Variants in ZBED4 observed in about 807,000 individuals in gnomAD.
ZBED4 encodes zinc finger BED-type containing 4.
A neutral mutation model predicts 15.5 loss-of-function variants in ZBED4; 4 were observed. The observed-to-expected ratio is 0.26, with a 90% CI of 0.13 to 0.59. The LOEUF is 0.59. ZBED4 is among the 20% of genes least tolerant of loss of function. ZBED4 has a pLI of 0.90. For missense variants in ZBED4, 1,323 were observed against 1,461.8 expected (o/e 0.91, Z 1.55); for synonymous variants, 692 against 608.5 (o/e 1.14, Z -2.02).
intron 1 of ZBED4, among the ~76,000 whole-genome samples, chr22:49,861,893 C>T (rs1212248664): frequency 1.3e-5 from 2 of 152,078 alleles, no homozygotes; most frequent in East Asian, 1.9e-4. Flanking sequence ...CTGTTCGTAG[C>T]GTGTGGTTGC....
chr22:49,857,671 A>C (rs2060280250), intron 1 of ZBED4, among the ~76,000 whole-genome samples: 1 of 152,156 alleles, frequency 6.6e-6, no homozygotes, highest in Non-Finnish European at 1.5e-5. Flanking sequence ...GGCTCACTGC[A>C]ACCTCTGTCT....
intron 1 of ZBED4, among the ~76,000 whole-genome samples, chr22:49,873,094 G>A (rs2060356660): frequency 6.6e-6 from 1 of 152,196 alleles, no homozygotes; most frequent in African/African-American, 2.4e-5. Flanking sequence ...GCCTCCCAAG[G>A]TGCTGGGATT....
At chr22:49,859,881 G>T (rs1259220372) in intron 1 of ZBED4, among the ~76,000 whole-genome samples, 2 of 151,882 alleles carry the variant, frequency 1.3e-5, no homozygotes, top group African/African-American at 4.8e-5. Flanking sequence ...ACAGAAATCA[G>T]CTGGGCATGA....
chr22:49,858,724 G>A (rs1330326756), intron 1 of ZBED4, among the ~76,000 whole-genome samples: 1 of 152,130 alleles, frequency 6.6e-6, no homozygotes, highest in Non-Finnish European at 1.5e-5. Flanking sequence ...TCTACAAAAC[G>A]TGACTGTGTC....
rs1259171417 is a variant in ZBED4, at chr22:49,884,760, G to A, written c.1098G>A (p.Glu366=). ...PTLLPSLLPP[E]GELSSVSSSP... is the part of the protein sequence containing the mutation. ...TGCTGCCTTCCTTGCTGCCGCCGGAGGGGGAGCTCAGCTCTGTGTCCTCGT... is the reference window on the plus strand; with the variant it reads ...TGCTGCCTTCCTTGCTGCCGCCGGAAGGGGAGCTCAGCTCTGTGTCCTCGT... Residue 366 remains glutamate (E), a synonymous_variant, in exon 2 of 2, where the codon GAG becomes GAA. Coordinates refer to ENST00000216268, the MANE Select transcript of ZBED4 (RefSeq NM_014838.3). 3 of 1,597,156 alleles carry A rather than the reference G, an allele frequency of 1.9e-6. No homozygotes were observed. Among genetic ancestry groups the A allele is most frequent in the African/African-American group, 1.3e-5 (1 of 74,714 alleles).
At chr22:49,875,258 A>T (rs2060370065) in intron 1 of ZBED4, among the ~76,000 whole-genome samples, 1 of 150,948 alleles carries the variant, frequency 6.6e-6, no homozygotes, top group Non-Finnish European at 1.5e-5. Flanking sequence ...GGTAGAATTC[A>T]CCACTGAAGT....
At position 49,884,606 on chromosome 22, in the gene ZBED4, G is replaced by C; in HGVS notation, c.944G>C (p.Arg315Pro). The C allele has an allele frequency of 6.2e-7, 1 of 1,612,298 alleles. No homozygotes were observed. The highest frequency in any genetic ancestry group is 8.5e-7 in the Non-Finnish European group (1 of 1,179,040). The change falls in exon 2 of 2, where the codon CGG (arginine) becomes CCG (proline). Residue 315 changes from arginine (R) to proline (P), a missense_variant. This residue lies in a region of ZBED4 where 380 missense variants were observed against 413.7 expected (regional missense o/e 0.92). Transcript: ENST00000216268. ...VCIHCMNEFSRGKNGKDLGTS... is the reference protein window; with the variant it reads ...VCIHCMNEFSPGKNGKDLGTS... ...ATTCACTGCATGAACGAGTTCAGCC[G>C]GGGGAAGAATGGGAAGGACCTGGGC...
chr22:49,883,596 G>T lies in ZBED4; in HGVS notation c.-67G>T, dbSNP rs1429066831. 42 of 1,456,072 alleles carry T rather than the reference G, an allele frequency of 2.9e-5. No individual in the cohort carries two copies. The highest frequency in any genetic ancestry group is 3.8e-5 in the Non-Finnish European group (42 of 1,097,924). 90.2% of individuals were successfully genotyped at this position (1,456,072 alleles called of 1,614,324 possible). Reference sequence around the variant, plus strand: ...AAGTGAAGATAATCTACATTCGGGGGCACAAATGAGCACTTGGATCAGTGT... The same window carrying T: ...AAGTGAAGATAATCTACATTCGGGGTCACAAATGAGCACTTGGATCAGTGT... On this transcript the variant is annotated 5_prime_UTR_variant, in exon 2 of 2. Coordinates refer to ENST00000216268, the MANE Select transcript of ZBED4 (RefSeq NM_014838.3).
intron 1 of ZBED4, among the ~76,000 whole-genome samples, chr22:49,868,880 G>A (rs758622614): frequency 6.6e-6 from 1 of 151,186 alleles, no homozygotes; most frequent in Non-Finnish European, 1.5e-5. Flanking sequence ...GGGAGGCCAA[G>A]GCAGGCGGAT....
Position 49,884,946 on chromosome 22 carries a change from T to C in ZBED4, c.1284T>C (p.Pro428=), listed in dbSNP as rs1411933575. The change falls in exon 2 of 2, where the codon CCT becomes CCC. Residue 428 remains proline, a synonymous_variant. Coordinates refer to ENST00000216268, the MANE Select transcript of ZBED4 (RefSeq NM_014838.3). The part of the protein sequence containing the change: ...DDIGEASASS[P]EKQQADGLSP... ...TAGGGGAGGCCTCGGCGTCCTCTCC[T>C]GAGAAGCAGCAGGCTGATGGGCTGA... The C allele has an allele frequency of 6.2e-7, 1 of 1,610,588 alleles. No homozygotes were observed. The highest frequency in any genetic ancestry group is 1.7e-5 in the Admixed American group (1 of 59,446).
intron 1 of ZBED4, among the ~76,000 whole-genome samples, chr22:49,878,488 T>C (rs1239093615): frequency 1.3e-5 from 2 of 152,158 alleles, no homozygotes; most frequent in Non-Finnish European, 2.9e-5. Flanking sequence ...CAAAGTTACA[T>C]GGGCACTTCA....
Position 49,883,609 on chromosome 22 carries a change from C to G in ZBED4, c.-54C>G. ...CTACATTCGGGGGCACAAATGAGCA[C>G]TTGGATCAGTGTTTTATGAACCTAA... On this transcript the variant is annotated 5_prime_UTR_variant, in exon 2 of 2. Coordinates refer to ENST00000216268, the MANE Select transcript of ZBED4 (RefSeq NM_014838.3). 1 of 1,472,890 alleles carries G rather than the reference C, an allele frequency of 6.8e-7. No individual in the cohort carries two copies. The highest frequency in any genetic ancestry group is 9.0e-7 in the Non-Finnish European group (1 of 1,105,814). The allele number at this position is 1,472,890 out of a possible 1,614,324, so 91.2% of individuals were successfully genotyped here.
Position 49,885,476 on chromosome 22 carries a change from A to T in ZBED4, c.1814A>T (p.Gln605Leu). 1 of 1,612,638 alleles carries T rather than the reference A, an allele frequency of 6.2e-7. No homozygotes were observed. Among genetic ancestry groups the T allele is most frequent in the South Asian group, 1.1e-5 (1 of 91,070 alleles). ...ACCAGCTGTCTTCTGAGACATTTAC[A>T]GCGGTTCCATAGCAACGTGCTGAAA... The part of the protein sequence containing the change: ...LGTSCLLRHL[Q>L]RFHSNVLKTE... The change falls in exon 2 of 2, where the codon CAG becomes CTG. Residue 605 changes from glutamine (Q) to leucine (L), a missense_variant. By Grantham distance (113) the Gln-to-Leu change is moderately radical. Around this residue, in one of 6 missense-constraint regions of ZBED4, gnomAD observed 429 missense variants for 397.9 expected, o/e 1.08. Transcript: ENST00000216268.
chr22:49,871,039 C>T (rs2060344807), intron 1 of ZBED4, among the ~76,000 whole-genome samples: 1 of 150,748 alleles, frequency 6.6e-6, no homozygotes, highest in Admixed American at 6.6e-5. Context: ...CTCCAGGGTT[C>T]AAGCAATTCT....
At position 49,887,365 on chromosome 22, in the gene ZBED4, G is replaced by A. The variant is rs755388605; in HGVS notation, c.*187G>A. ...TTCTCCTTCAGGCCAAGTTTCGCGGGGTGTTTTATTAAGACGTCCACTAGA... is the reference window on the plus strand; with the variant it reads ...TTCTCCTTCAGGCCAAGTTTCGCGGAGTGTTTTATTAAGACGTCCACTAGA... On this transcript the variant is annotated 3_prime_UTR_variant, in exon 2 of 2. Coordinates refer to ENST00000216268, the MANE Select transcript of ZBED4 (RefSeq NM_014838.3). The A allele has an allele frequency of 1.9e-6, 1 of 522,462 alleles. No homozygotes were observed. Among genetic ancestry groups the A allele is most frequent in the Non-Finnish European group, 3.4e-6 (1 of 296,500 alleles). The allele number at this position is 522,462 out of a possible 1,614,324, so 32.4% of individuals were successfully genotyped here. A position where few individuals can be genotyped will look rare whatever the true frequency, so the allele number is the denominator to read the frequency against.
chr22:49,873,253 A>C (rs1015810178), intron 1 of ZBED4, among the ~76,000 whole-genome samples: 5 of 152,234 alleles, frequency 3.3e-5, no homozygotes, highest in African/African-American at 1.2e-4. Flanking sequence ...TATCTTTTGA[A>C]AATGAGAGAC....
chr22:49,854,217 A>C (rs1019468618), intron 1 of ZBED4, among the ~76,000 whole-genome samples: 3 of 147,196 alleles, frequency 2.0e-5, no homozygotes, highest in Non-Finnish European at 3.0e-5. Context: ...GGCGGCGCCG[A>C]CTGAGCGGCC....
At chr22:49,862,692 C>CTTT (rs2060302604) in intron 1 of ZBED4, among the ~76,000 whole-genome samples, 1 of 98,748 alleles carries the variant, frequency 1.0e-5, no homozygotes, top group African/African-American at 3.9e-5. Flanking sequence ...TTAAGTTTTT[C>CTTT]CTTTTTTTTT....
At chr22:49,857,643 G>A (rs2060280068) in intron 1 of ZBED4, among the ~76,000 whole-genome samples, 1 of 152,210 alleles carries the variant, frequency 6.6e-6, no homozygotes, top group African/African-American at 2.4e-5. Context: ...TCAGGCTGGA[G>A]TGCAGTGTTA....
Sources: allele counts gnomAD v4.1 joint callset (sites outside exome capture counted in the v4.1 genomes callset), GRCh38; gene constraint gnomAD v4.1.1; regional missense constraint gnomAD v4.1.1; transcripts MANE v1.5; gene names NCBI Gene and HGNC (gene_info 2026-07-23, HGNC 2026-07-21).